Variants in MYO3A observed in about 807,000 individuals in gnomAD.
MYO3A encodes the protein myosin-IIIa.
In MYO3A, 180 loss-of-function variants were observed where a neutral mutation model predicts 192.7. That is an observed-to-expected ratio of 0.93 (90% confidence interval 0.83 to 1.06). The LOEUF is 1.06. Ranked by LOEUF, MYO3A falls within the 50% of genes least tolerant of loss-of-function variation. The pLI, the probability that MYO3A is intolerant of heterozygous loss-of-function variation, is 0.00. For synonymous variants in MYO3A, 628 were observed against 645.3 expected (o/e 0.97, Z 0.41); for missense variants, 1,896 against 1,905.0 (o/e 1.00, Z 0.09).
chr10:26,106,366 T>G (rs1428899722), intron 17 of MYO3A, among the ~76,000 whole-genome samples: 1 of 152,088 alleles, frequency 6.6e-6, no homozygotes, highest in African/African-American at 2.4e-5. Flanking sequence ...ATTTTTAAAT[T>G]TATTAATAAC....
intron 32 of MYO3A, among the ~76,000 whole-genome samples, chr10:26,196,308 T>C (rs1202656963): frequency 6.6e-6 from 1 of 152,228 alleles, no homozygotes; most frequent in African/African-American, 2.4e-5. Context: ...TATGAGAAAT[T>C]GTAAAAGACC....
chr10:26,154,185 G>T (rs1564602639), intron 24 of MYO3A, among the ~76,000 whole-genome samples: 1 of 151,956 alleles, frequency 6.6e-6, no homozygotes, highest in Non-Finnish European at 1.5e-5. Flanking sequence ...GTTTTTGTTT[G>T]TTTGTTTGTT....
At chr10:26,038,007 C>T (rs577312987) in intron 10 of MYO3A, among the ~76,000 whole-genome samples, 2 of 152,308 alleles carry the variant, frequency 1.3e-5, no homozygotes, top group South Asian at 2.1e-4. Context: ...AAAGAGCTCA[C>T]TGTGGATTTA....
intron 14 of MYO3A, among the ~76,000 whole-genome samples, chr10:26,081,138 C>G (rs1010063543): frequency 3.8e-5 from 4 of 105,380 alleles, no homozygotes; most frequent in Non-Finnish European, 7.3e-5. Context: ...GCCCTTCCCC[C>G]CCCCCCCGCC....
intron 34 of MYO3A, among the ~76,000 whole-genome samples, chr10:26,207,231 C>T (rs900077999): frequency 2.6e-5 from 4 of 152,020 alleles, no homozygotes; most frequent in African/African-American, 9.7e-5. Flanking sequence ...GATGTAATCC[C>T]ATTTGTCTAT....
chr10:26,148,993 A>G (rs576778857), intron 23 of MYO3A, among the ~76,000 whole-genome samples: 3 of 152,212 alleles, frequency 2.0e-5, no homozygotes, highest in Admixed American at 6.5e-5. Flanking sequence ...TGCACTGGCT[A>G]GAATCACAAT....
At chr10:26,158,007 C>T (rs1220738904) in intron 26 of MYO3A, among the ~76,000 whole-genome samples, 1 of 152,084 alleles carries the variant, frequency 6.6e-6, no homozygotes, top group African/African-American at 2.4e-5. Flanking sequence ...CTCCCCACAA[C>T]AAAGAATTAT....
chr10:26,137,934 C>G (rs1220118363), intron 20 of MYO3A, among the ~76,000 whole-genome samples: 1 of 152,180 alleles, frequency 6.6e-6, no homozygotes, highest in Non-Finnish European at 1.5e-5. Flanking sequence ...AGATGTTTAT[C>G]AAGACAATAT....
intron 19 of MYO3A, among the ~76,000 whole-genome samples, chr10:26,127,679 T>G (rs1400854900): frequency 6.6e-6 from 1 of 152,128 alleles, no homozygotes; most frequent in Non-Finnish European, 1.5e-5. Flanking sequence ...TTTTGTACTT[T>G]CTTTTTATAA....
intron 7 of MYO3A, 151 bp downstream of exon 7, chr10:26,017,047 G>A: frequency 2.4e-6 from 2 of 819,436 alleles, no homozygotes; most frequent in Non-Finnish European, 4.1e-6. Context: ...CATGTGTGAG[G>A]AGGCACCTGG....
chr10:26,136,360 A>T (rs1257712466), intron 20 of MYO3A, among the ~76,000 whole-genome samples: 1 of 152,200 alleles, frequency 6.6e-6, no homozygotes, highest in Non-Finnish European at 1.5e-5. Flanking sequence ...TCAAATGGTG[A>T]ACTTGCCTAT....
At chr10:25,946,702 AC>A (rs1292464353) in intron 2 of MYO3A, among the ~76,000 whole-genome samples, 1 of 151,534 alleles carries the variant, frequency 6.6e-6, no homozygotes, top group Non-Finnish European at 1.5e-5. Flanking sequence ...ACACGGTGAA[AC>A]CCCATCTCTA....
At chr10:26,192,667 T>TC (rs60726538) in intron 31 of MYO3A, among the ~76,000 whole-genome samples, 39 of 150,998 alleles carry the variant, frequency 2.6e-4, no homozygotes, top group African/African-American at 8.8e-4. Context: ...TTTTTTTTTT[T>TC]CTTGAGACAG....
At chr10:26,193,002 A>C (rs1843224108) in intron 31 of MYO3A, among the ~76,000 whole-genome samples, 1 of 152,040 alleles carries the variant, frequency 6.6e-6, no homozygotes, top group Admixed American at 6.6e-5. Context: ...CTTAGCTCTC[A>C]AAGTCCTAGA....
At chr10:25,971,842 T>C (rs1422940521) in intron 4 of MYO3A, among the ~76,000 whole-genome samples, 9 of 152,148 alleles carry the variant, frequency 5.9e-5, no homozygotes, top group Non-Finnish European at 1.2e-4. Context: ...TTATCTTTTT[T>C]TGTTTGTGTG....
At chr10:26,086,147 G>A (rs772009639) in intron 14 of MYO3A, among the ~76,000 whole-genome samples, 1 of 152,086 alleles carries the variant, frequency 6.6e-6, no homozygotes, top group Non-Finnish European at 1.5e-5. Context: ...GCTCCACATG[G>A]CTGGGAAGGC....
intron 4 of MYO3A, among the ~76,000 whole-genome samples, chr10:25,976,740 TC>T (rs752092464): frequency 3.3e-5 from 5 of 152,142 alleles, no homozygotes; most frequent in Non-Finnish European, 7.4e-5. Context: ...AACACTAAGG[TC>T]TATTTTAGCA....
chr10:25,949,884 A>G (rs1399838614), intron 2 of MYO3A, among the ~76,000 whole-genome samples: 1 of 152,154 alleles, frequency 6.6e-6, no homozygotes, highest in Non-Finnish European at 1.5e-5. Flanking sequence ...CAAATCTATT[A>G]TTAGATTTGG....
intron 26 of MYO3A, among the ~76,000 whole-genome samples, chr10:26,161,009 A>C (rs961969313): frequency 6.6e-6 from 1 of 152,264 alleles, no homozygotes; most frequent in Admixed American, 6.5e-5. Flanking sequence ...ATTTGTAATT[A>C]TTGTGCTATT....
Sources: allele counts gnomAD v4.1 joint callset (sites outside exome capture counted in the v4.1 genomes callset), GRCh38; gene constraint gnomAD v4.1.1; transcripts MANE v1.5; gene names NCBI Gene and HGNC (gene_info 2026-07-23, HGNC 2026-07-21).